CLUH: variants seen among roughly 807,000 people sequenced by gnomAD.
CLUH encodes clustered mitochondria protein homolog.
CLUH carries 77 observed loss-of-function variants against 139.3 expected under a neutral mutation model. The ratio of observed to expected loss-of-function variants is 0.55; its 90% CI spans 0.46 to 0.67. The LOEUF (loss-of-function observed/expected upper bound fraction) is 0.67, where lower values mean the gene tolerates loss of function less well. CLUH is among the 30% of genes least tolerant of loss of function. CLUH has a pLI of 0.00. For synonymous variants in CLUH, 999 were observed against 801.6 expected (o/e 1.25, Z -4.16); for missense variants, 1,876 against 1,875.8 (o/e 1.00, Z 0.00).
chr17:2,694,684 G>C, intron 16 of CLUH, 120 bp from the exon 17 acceptor site: 5 of 1,229,324 alleles, frequency 4.1e-6, no homozygotes, highest in Non-Finnish European at 4.3e-6. Flanking sequence ...CCCGGCCCCC[G>C]GGAGCCTCCC....
At position 2,707,003 on chromosome 17, in the gene CLUH, C is replaced by T. The variant is rs1197656537; in HGVS notation, c.101-2439G>A. 6.6e-6 allele frequency among the ~76,000 whole-genome samples: 1 copy of T among 152,204 alleles called. No individual in the cohort carries two copies. Among genetic ancestry groups the T allele is most frequent in the Non-Finnish European group, 1.5e-5 (1 of 68,036 alleles). ...CCCTCAGGGGGTACCTATTCCCTAT[C>T]CCGTTTCAAAGGAATGCAGCTGGCT... On this transcript the variant is annotated intron_variant, in intron 1 of 25. Coordinates refer to ENST00000651024, the MANE Select transcript of CLUH (RefSeq NM_001366661.1). The surrounding 1 kb of genome is among the most constrained non-coding windows in gnomAD (Gnocchi z 7.4).
chr17:2,690,731 G>A lies in CLUH; in HGVS notation c.3910C>T (p.Gln1304Ter). The A allele has an allele frequency of 1.3e-6, 2 of 1,555,512 alleles. No homozygotes were observed. Among genetic ancestry groups the A allele is most frequent in the Non-Finnish European group, 1.7e-6 (2 of 1,158,980 alleles). Reference sequence around the variant, plus strand: ...CTGTTTCTGCTGGCCTCCTGGAGCTGGTGCCGCCGCGCCACCTCGGCTTTC... The same window carrying A: ...CTGTTTCTGCTGGCCTCCTGGAGCTAGTGCCGCCGCGCCACCTCGGCTTTC... ...NLKAEVARRH[Q>*]LQEASRNRDR... The change falls in exon 26 of 26, where the codon CAG (glutamine) becomes TAG (stop). Residue 1304 changes from glutamine to a stop codon, truncating the protein, a stop_gained. Transcript: ENST00000651024. LOFTEE classifies it high-confidence loss of function.
chr17:2,710,427 A>G (rs934641475), intron 1 of CLUH, among the ~76,000 whole-genome samples: 2 of 152,170 alleles, frequency 1.3e-5, no homozygotes, highest in Admixed American at 6.5e-5. Flanking sequence ...CGCTGTCCCC[A>G]TCCTGATTCC....
chr17:2,701,467 C>T lies in CLUH; in HGVS notation c.798G>A (p.Gly266=), dbSNP rs772010841. 1.2e-6 allele frequency: 2 copies of T among 1,613,800 alleles called. No homozygotes were observed. The highest frequency in any genetic ancestry group is 1.7e-5 in the Admixed American group (1 of 60,004). Residue 266 remains glycine, a synonymous_variant, in exon 6 of 26, where the codon GGG becomes GGA. Coordinates refer to ENST00000651024, the MANE Select transcript of CLUH (RefSeq NM_001366661.1). ...LTMSGWNPPP[G]NRKMHGDLMY... Reference sequence around the variant, plus strand: ...TGAGGTCCCCGTGCATCTTCCGGTTCCCCGGGGGCGGGTTCCATCCGCTCA... The same window carrying T: ...TGAGGTCCCCGTGCATCTTCCGGTTTCCCGGGGGCGGGTTCCATCCGCTCA...
In CLUH at chr17:2,707,381, A is replaced by T. The variant is rs1029577251; in HGVS notation, c.101-2817T>A. The T allele has an allele frequency of 5.1e-5, 50 of 985,256 alleles. No homozygotes were observed. The highest frequency in any genetic ancestry group is 5.9e-5 in the Non-Finnish European group (49 of 829,860). 61.0% of individuals were successfully genotyped at this position (985,256 alleles called of 1,614,324 possible). On this transcript the variant is annotated intron_variant, in intron 1 of 25. Transcript: ENST00000651024. This position sits in a 1 kb window ranked among gnomAD's most constrained non-coding sequence, Gnocchi z 7.4. Reference sequence around the variant, plus strand: ...TCAGTGGGGCCAGGCCTGCCATGGCAGCCCCAGGAAGGGCACACTCCCCCT... The same window carrying T: ...TCAGTGGGGCCAGGCCTGCCATGGCTGCCCCAGGAAGGGCACACTCCCCCT...
chr17:2,694,915 C>T lies in CLUH; in HGVS notation c.2794G>A (p.Glu932Lys). Reference sequence around the variant, plus strand: ...TCCTGGCAGATGTTCTTCCAGAGCTCCTGGGGGGTCATGACAGCCCAGGCT... The same window carrying T: ...TCCTGGCAGATGTTCTTCCAGAGCTTCTGGGGGGTCATGACAGCCCAGGCT... The part of the protein sequence containing the change: ...NTAWAVMTPQ[E>K]LWKNICQEAK... Residue 932 changes from glutamate to lysine, a missense_variant, in exon 16 of 26, where the codon GAG becomes AAG. Glu to Lys is a moderately conservative substitution (Grantham distance 56, BLOSUM62 1). This residue lies in a region of CLUH where 1,454 missense variants were observed against 1,384.4 expected (regional missense o/e 1.05). Coordinates refer to ENST00000651024, the MANE Select transcript of CLUH (RefSeq NM_001366661.1). The T allele has an allele frequency of 1.9e-6, 3 of 1,601,468 alleles. No homozygotes were observed. Among genetic ancestry groups the T allele is most frequent in the Non-Finnish European group, 1.7e-6 (2 of 1,173,310 alleles).
intron 23 of CLUH, 26 bp downstream of exon 23, chr17:2,691,978 G>GCCCCGCCACGCCCCCGCCCCGC: frequency 2.0e-6 from 1 of 489,676 alleles, no homozygotes; most frequent in Non-Finnish European, 2.4e-6. Context: ...CCCCGCCCCC[G>GCCCCGCCACGCCCCCGCCCCGC]CCCCCGCCAC....
At chr17:2,701,119 G>A (rs1251100824) in intron 7 of CLUH, 21 bp downstream of exon 7, 18 of 1,613,504 alleles carry the variant, frequency 1.1e-5, no homozygotes, top group African/African-American at 8.0e-5. Flanking sequence ...GAGACAAGGC[G>A]GGAGGGGACA....
Position 2,692,117 on chromosome 17 carries a change from G to C in CLUH, c.3561-20C>G. The C allele has an allele frequency of 6.3e-7, 1 of 1,584,466 alleles. No homozygotes were observed. ...TGGTGGCTGCCGGGAGGCGCGGCGCGGGGCGAGGGAAGGGCATAAGTGGGC... is the reference window on the plus strand; with the variant it reads ...TGGTGGCTGCCGGGAGGCGCGGCGCCGGGCGAGGGAAGGGCATAAGTGGGC... On this transcript the variant is annotated intron_variant, in intron 22 of 25. Transcript: ENST00000651024.
chr17:2,702,129 A>C, intron 3 of CLUH, 72 bp from the exon 4 acceptor site: 1 of 1,537,748 alleles, frequency 6.5e-7, no homozygotes, highest in Admixed American at 2.0e-5. Flanking sequence ...AGCACAAAAC[A>C]GGTTTTGGAG....
In CLUH at chr17:2,708,343, C is replaced by A. The variant is rs577246320; in HGVS notation, c.100+3219G>T. On this transcript the variant is annotated intron_variant, in intron 1 of 25. Coordinates refer to ENST00000651024, the MANE Select transcript of CLUH (RefSeq NM_001366661.1). ...TGCTCCTACCCTCTCCTGAAATACA[C>A]CCTAACCCTCCGGAGAGAGGGGTGG... Among the ~76,000 whole-genome samples the A allele has an allele frequency of 5.9e-5, 9 of 152,288 alleles. 1 individual carries two copies. In the South Asian group the frequency reaches 1.7e-3, roughly 28 times the overall value.
chr17:2,691,931 G>A, intron 23 of CLUH, 36 bp from the exon 24 acceptor site: 9 of 1,124,186 alleles, frequency 8.0e-6, no homozygotes, highest in Non-Finnish European at 1.0e-5. Flanking sequence ...GCCCCCCCGT[G>A]CCCCCGCGGC....
rs1359388563 is a variant in CLUH, at chr17:2,696,691, CTCTCCCGGCCA to C, written c.2185+17_2185+27del. 3.1e-6 allele frequency: 5 copies of C among 1,607,586 alleles called. No individual in the cohort carries two copies. The African/African-American group carries it at 5.3e-5, about 17-fold the overall frequency. On this transcript the variant is annotated intron_variant, in intron 11 of 25. Coordinates refer to ENST00000651024, the MANE Select transcript of CLUH (RefSeq NM_001366661.1). The stretch of plus-strand genomic sequence containing the variant: ...CACCCTGGCAGGGCCAGCCCGGGCT[CTCTCCCGGCCA>C]TCTGCAGCAGCCCCACCTGTGCCGT...
In CLUH at chr17:2,690,261, G is replaced by A. The variant is rs918690011; in HGVS notation, c.*333C>T. ...CGGGCTATGTACAGGGGAGAGGAAC[G>A]GTCAACACTCACAGCCAGGGGCGCA... On this transcript the variant is annotated 3_prime_UTR_variant, in exon 26 of 26. Transcript: ENST00000651024. 1.0e-5 allele frequency: 3 copies of A among 297,084 alleles called. No individual in the cohort carries two copies. Among genetic ancestry groups the A allele is most frequent in the Non-Finnish European group, 1.9e-5 (3 of 160,830 alleles). 18.4% of individuals were successfully genotyped at this position (297,084 alleles called of 1,614,324 possible).
rs1273231021 is a variant in CLUH at position 2,694,956 on chromosome 17, C to T, written c.2753G>A (p.Gly918Glu). 1.2e-6 allele frequency: 2 copies of T among 1,612,472 alleles called. No homozygotes were observed. Among genetic ancestry groups the T allele is most frequent in the Non-Finnish European group, 1.7e-6 (2 of 1,179,334 alleles). Residue 918 changes from glycine to glutamate, a missense_variant, in exon 16 of 26, where the codon GGG becomes GAG. Gly to Glu is a moderately conservative substitution (Grantham distance 98). This residue lies in a region of CLUH where 1,454 missense variants were observed against 1,384.4 expected (regional missense o/e 1.05). Transcript: ENST00000651024. Reference protein sequence around the residue: ...RNKRRKNRPPGAADNTAWAVM... With the variant: ...RNKRRKNRPPEAADNTAWAVM... ...AGCCCAGGCTGTGTTATCTGCAGCC[C>T]CCGGGGGCCGGTTTTTCCTCCTCTT...
chr17:2,699,550 A>G (rs1297879823), intron 9 of CLUH, among the ~76,000 whole-genome samples: 4 of 150,530 alleles, frequency 2.7e-5, no homozygotes, highest in African/African-American at 9.8e-5. Flanking sequence ...CTGGTTTCCA[A>G]CTCCTGGGCT....
rs976562741 is a variant in CLUH, at chr17:2,707,284, C to T, written c.101-2720G>A. On this transcript the variant is annotated intron_variant, in intron 1 of 25. Transcript: ENST00000651024. This position sits in a 1 kb window ranked among gnomAD's most constrained non-coding sequence, Gnocchi z 7.4. ...CCAGCATTGCCCGGGTTCCTTGTTCCAGCCTCTGCCGCTACCCTTGCCCTA... is the reference window on the plus strand; with the variant it reads ...CCAGCATTGCCCGGGTTCCTTGTTCTAGCCTCTGCCGCTACCCTTGCCCTA... 2.0e-5 allele frequency: 20 copies of T among 985,330 alleles called. No homozygotes were observed. Among genetic ancestry groups the T allele is most frequent in the Non-Finnish European group, 2.4e-5 (20 of 829,934 alleles). 61.0% of individuals were successfully genotyped at this position (985,330 alleles called of 1,614,324 possible). A position where few individuals can be genotyped will look rare whatever the true frequency, so the allele number is the denominator to read the frequency against.
intron 1 of CLUH, among the ~76,000 whole-genome samples, chr17:2,708,393 C>T (rs1254653530): frequency 6.6e-6 from 1 of 152,106 alleles, no homozygotes; most frequent in Non-Finnish European, 1.5e-5. Flanking sequence ...GCAGTGACCC[C>T]AGAGAAGTGT....
intron 9 of CLUH, 104 bp downstream of exon 9, chr17:2,700,278 T>C (rs1481800877): frequency 1.4e-5 from 15 of 1,090,034 alleles, no homozygotes; most frequent in African/African-American, 3.1e-5. Context: ...CCTGACAGGG[T>C]TAGGGCTGCC....
Sources: allele counts gnomAD v4.1 joint callset (sites outside exome capture counted in the v4.1 genomes callset), GRCh38; gene constraint gnomAD v4.1.1; regional missense constraint gnomAD v4.1.1; non-coding constraint Gnocchi (gnomAD v3.1); transcripts MANE v1.5; gene names NCBI Gene and HGNC (gene_info 2026-07-23, HGNC 2026-07-21).